Variants in SOX5 observed in about 807,000 individuals in gnomAD.
SOX5 encodes transcription factor SOX-5.
A neutral mutation model predicts 92.0 loss-of-function variants in SOX5; 9 were observed. The ratio of observed to expected loss-of-function variants is 0.10; its 90% CI spans 0.06 to 0.17. The LOEUF (loss-of-function observed/expected upper bound fraction) is 0.17. Among genes scored for constraint, SOX5 ranks in the 10% least tolerant of loss-of-function variants. SOX5 has a pLI of 1.00. For missense variants in SOX5, 642 were observed against 944.5 expected, an observed-to-expected ratio of 0.68 and a Z score of 4.20; for synonymous variants, 344 against 336.3, an observed-to-expected ratio of 1.02 and a Z score of -0.25.
chr12:23,658,851 C>T (rs1039958981), intron 7 of SOX5, among the ~76,000 whole-genome samples: 1 of 152,184 alleles, frequency 6.6e-6, no homozygotes, highest in Non-Finnish European at 1.5e-5. Context: ...CGAGATCGTG[C>T]CATTGCACTC....
chr12:23,880,519 A>C (rs2096976449), intron 2 of SOX5, among the ~76,000 whole-genome samples: 1 of 152,204 alleles, frequency 6.6e-6, no homozygotes, highest in African/African-American at 2.4e-5. Context: ...GAATATCTGC[A>C]TCCTGAAGAG....
intron 7 of SOX5, among the ~76,000 whole-genome samples, chr12:23,662,379 A>G (rs2083185000): frequency 6.6e-6 from 1 of 152,162 alleles, no homozygotes; most frequent in Non-Finnish European, 1.5e-5. Context: ...ACATCTGTGA[A>G]CTGATCCACA....
chr12:24,369,251 G>A (rs967552622), intron 1 of SOX5, among the ~76,000 whole-genome samples: 1 of 152,138 alleles, frequency 6.6e-6, no homozygotes, highest in Non-Finnish European at 1.5e-5. Context: ...GAGTGTCTTT[G>A]TTTGGCTGAA....
chr12:23,997,523 T>C (rs1257068145), intron 4 of SOX5, among the ~76,000 whole-genome samples: 3 of 152,104 alleles, frequency 2.0e-5, no homozygotes, highest in Non-Finnish European at 4.4e-5. Context: ...CTTGCACATA[T>C]CTTGGGGGTT....
At chr12:23,963,382 A>G (rs756736976) in intron 4 of SOX5, among the ~76,000 whole-genome samples, 3 of 152,198 alleles carry the variant, frequency 2.0e-5, no homozygotes, top group Admixed American at 6.5e-5. Context: ...CTATTTCTCT[A>G]TAATTCCAGT....
rs75700550 is a variant in SOX5, at chr12:24,049,343, A to G, written c.-1-153319T>C. ...AAAACCACAAACTGGCAGTTTATTT[A>G]CCCACGCTAAACCACTTGTTTGACA... is the stretch of plus-strand genomic sequence containing the variant. On this transcript the variant is annotated intron_variant, in intron 4 of 4. Coordinates refer to the SOX5 transcript ENST00000446891. Among the ~76,000 whole-genome samples the G allele has an allele frequency of 6.0e-3, 914 of 152,344 alleles. 10 individuals carry two copies. Among genetic ancestry groups the G allele is most frequent in the South Asian group, 0.034 (162 of 4,822 alleles).
intron 10 of SOX5, among the ~76,000 whole-genome samples, chr12:23,569,004 C>T (rs999916589): frequency 1.3e-4 from 19 of 151,774 alleles, no homozygotes; most frequent in African/African-American, 4.6e-4. Flanking sequence ...GCCTGGGCAA[C>T]ATGGTGAAAT....
chr12:23,747,786 G>A lies in SOX5; in HGVS notation c.569-6747C>T, dbSNP rs551833455. ...CTCCAGACATTGTCAAATTCCTCCT[G>A]GTGGAGCAAAATCTTCCTCTTGAAA... On this transcript the variant is annotated intron_variant, in intron 4 of 14. Transcript: ENST00000451604. 2.9e-4 allele frequency among the ~76,000 whole-genome samples: 44 copies of A among 151,972 alleles called. No individual in the cohort carries two copies. The South Asian group carries it at 8.7e-3, about 30-fold the overall frequency.
intron 4 of SOX5, among the ~76,000 whole-genome samples, chr12:24,182,871 G>A (rs1177752845): frequency 2.6e-5 from 4 of 151,944 alleles, no homozygotes; most frequent in Admixed American, 6.6e-5. Context: ...TCATCACCAC[G>A]CCCAGCTAAT....
chr12:24,325,993 T>C (rs1419990862), intron 2 of SOX5, among the ~76,000 whole-genome samples: 1 of 152,234 alleles, frequency 6.6e-6, no homozygotes, highest in Non-Finnish European at 1.5e-5. Flanking sequence ...AAGTCCATTC[T>C]GGTTCAAGCA....
intron 1 of SOX5, among the ~76,000 whole-genome samples, chr12:24,499,198 C>T (rs56406431): frequency 0.016 from 2,391 of 152,284 alleles, 24 homozygotes; most frequent in Middle Eastern, 0.054. Flanking sequence ...GGGCATGGCC[C>T]GTGAAACCAG....
chr12:23,634,693 A>C (rs1343847719), intron 8 of SOX5, among the ~76,000 whole-genome samples: 1 of 152,188 alleles, frequency 6.6e-6, no homozygotes, highest in Non-Finnish European at 1.5e-5. Flanking sequence ...AGAATAGTTT[A>C]TTATAAAATT....
chr12:24,403,016 G>A (rs949809701), intron 1 of SOX5, among the ~76,000 whole-genome samples: 1 of 152,106 alleles, frequency 6.6e-6, no homozygotes, highest in African/African-American at 2.4e-5. Flanking sequence ...TAGGATAACA[G>A]GCACAAATCT....
At chr12:24,506,112 A>G (rs1489643534) in intron 1 of SOX5, among the ~76,000 whole-genome samples, 1 of 152,200 alleles carries the variant, frequency 6.6e-6, no homozygotes, top group African/African-American at 2.4e-5. Flanking sequence ...TATTAATAGG[A>G]TAGTAGCATC....
At chr12:24,498,687 T>C (rs1263304896) in intron 1 of SOX5, among the ~76,000 whole-genome samples, 1 of 152,178 alleles carries the variant, frequency 6.6e-6, no homozygotes, top group Admixed American at 6.5e-5. Flanking sequence ...GGACTATACA[T>C]ATGATTATCA....
intron 2 of SOX5, among the ~76,000 whole-genome samples, chr12:24,350,491 G>A (rs1039732598): frequency 6.6e-6 from 1 of 152,018 alleles, no homozygotes; most frequent in Non-Finnish European, 1.5e-5. Flanking sequence ...CTATAGGCAC[G>A]TGCCACCATG....
Position 23,991,362 on chromosome 12 carries a change from T to C in SOX5, c.-1-95338A>G, listed in dbSNP as rs183259985. ...ACAACAAAAAAAATATATATATATA[T>C]ACCACATATCATATAGTAGTACTAG... On this transcript the variant is annotated intron_variant, in intron 4 of 4. Transcript: ENST00000446891. Among the ~76,000 whole-genome samples, 24 of 151,708 alleles carry C rather than the reference T, an allele frequency of 1.6e-4. No individual in the cohort carries two copies. The East Asian group carries it at 2.5e-3, about 16-fold the overall frequency.
Position 23,674,336 on chromosome 12 carries a change from A to ATTTTTT in SOX5, c.811-8778_811-8773dup, listed in dbSNP as rs34975795. 2.8e-3 allele frequency among the ~76,000 whole-genome samples: 274 copies of ATTTTTT among 97,360 alleles called. 34 individuals are homozygous for ATTTTTT. The highest frequency in any genetic ancestry group is 9.1e-3 in the African/African-American group (216 of 23,626). 63.9% of individuals were successfully genotyped at this position (97,360 alleles called of 152,430 possible). A position where few individuals can be genotyped will look rare whatever the true frequency, so the allele number is the denominator to read the frequency against. ...AAATATTTTCTTACCATAAAAAGGAATTTTTTTTTTTTTTTTTTGAGACGG... is the reference window on the plus strand; with the variant it reads ...AAATATTTTCTTACCATAAAAAGGAATTTTTTTTTTTTTTTTTTTTTTTTGAGACGG... On this transcript the variant is annotated intron_variant, in intron 6 of 14. Coordinates refer to ENST00000451604, the MANE Select transcript of SOX5 (RefSeq NM_006940.6).
chr12:23,815,762 T>C (rs1245008121), intron 3 of SOX5, among the ~76,000 whole-genome samples: 3 of 152,158 alleles, frequency 2.0e-5, no homozygotes, highest in African/African-American at 7.2e-5. Flanking sequence ...ATTCAACCAT[T>C]TAATTAACTT....
Sources: allele counts gnomAD v4.1 joint callset (sites outside exome capture counted in the v4.1 genomes callset), GRCh38; gene constraint gnomAD v4.1.1; transcripts MANE v1.5; gene names NCBI Gene and HGNC (gene_info 2026-07-23, HGNC 2026-07-21).